Variants in TRMT44 observed in about 807,000 individuals in gnomAD.
TRMT44 encodes tRNA methyltransferase 44 homolog.
A neutral mutation model predicts 77.3 loss-of-function variants in TRMT44; 78 were observed. The observed-to-expected ratio is 1.01, with a 90% CI of 0.84 to 1.22. TRMT44 has a LOEUF of 1.22. Ranked by LOEUF, TRMT44 falls within the 50% of genes most tolerant of loss-of-function variation. TRMT44 has a pLI of 0.00. For missense variants in TRMT44, 1,090 were observed against 964.4 expected (o/e 1.13, Z -1.73); for synonymous variants, 391 against 383.3 (o/e 1.02, Z -0.23).
chr4:8,455,755 C>T (rs1216735398), intron 6 of TRMT44, among the ~76,000 whole-genome samples: 4 of 152,192 alleles, frequency 2.6e-5, no homozygotes, highest in Admixed American at 6.5e-5. Flanking sequence ...TACAATGTTC[C>T]ATTGAATTGT....
intron 9 of TRMT44, among the ~76,000 whole-genome samples, chr4:8,469,646 C>G (rs1287145036): frequency 1.3e-5 from 2 of 152,192 alleles, no homozygotes; most frequent in African/African-American, 4.8e-5. Flanking sequence ...GGGCTCAGTC[C>G]TGCCTGCGCC....
downstream of TRMT44, among the ~76,000 whole-genome samples, chr4:8,497,855 C>A (rs1387511534): frequency 3.3e-5 from 5 of 152,194 alleles, no homozygotes; most frequent in African/African-American, 9.7e-5. Flanking sequence ...CCTCAGGGTT[C>A]TGCCCTTTGC....
chr4:8,516,611 T>C, the TRMT44 span, among the ~76,000 whole-genome samples: 1 of 151,882 alleles, frequency 6.6e-6, no homozygotes, highest in African/African-American at 2.4e-5. Context: ...GAGACTCCAT[T>C]TCTACCAAGA....
Position 8,441,029 on chromosome 4 carries a change from G to A in TRMT44, c.207G>A (p.Glu69=). 6.7e-7 allele frequency: 1 copy of A among 1,499,696 alleles called. No individual in the cohort carries two copies. The highest frequency in any genetic ancestry group is 8.8e-7 in the Non-Finnish European group (1 of 1,131,170). 92.9% of individuals were successfully genotyped at this position (1,499,696 alleles called of 1,614,324 possible). Residue 69 remains glutamate, a synonymous_variant, in exon 1 of 11, where the codon GAG becomes GAA. Transcript: ENST00000389737. ...CTAGCGCAGGCTCGGAGCAGAAGGA[G>A]CGGGGTCCGGGACCCGGCCAGGGTT... ...PGTSAGSEQK[E]RGPGPGQGSP...
chr4:8,449,949 C>CTTTTTTTTTTTTTTCTTTTTTTTTT, intron 3 of TRMT44, 61 bp downstream of exon 3: 3 of 238,688 alleles, frequency 1.3e-5, no homozygotes, highest in Admixed American at 1.3e-4. Context: ...CTTTTCTTTT[C>CTTTTTTTTTTTTTTCTTTTTTTTTT]TTTTTTTTTT....
downstream of TRMT44, chr4:8,477,232 AAATG>A (rs1419880115): frequency 6.6e-6 from 1 of 152,274 alleles, no homozygotes; most frequent in Non-Finnish European, 1.5e-5. Context: ...CAGTGAGAAT[AAATG>A]GGCATCTTCT....
chr4:8,495,363 C>G (rs1728120690), downstream of TRMT44, among the ~76,000 whole-genome samples: 1 of 152,216 alleles, frequency 6.6e-6, no homozygotes, highest in South Asian at 2.1e-4. Context: ...CCACGCTGGG[C>G]TGCAGCCTCC....
chr4:8,452,126 C>A lies in TRMT44; in HGVS notation c.1023+98C>A. Reference sequence around the variant, plus strand: ...AGGACATTTTCCAAATCCATAACTGCCGGTGCTCACAATTCTGCTGGCCAA... The same window carrying A: ...AGGACATTTTCCAAATCCATAACTGACGGTGCTCACAATTCTGCTGGCCAA... On this transcript the variant is annotated intron_variant, in intron 4 of 10. Coordinates refer to ENST00000389737, the MANE Select transcript of TRMT44 (RefSeq NM_152544.3). This position sits in a 1 kb window ranked among gnomAD's most constrained non-coding sequence, Gnocchi z 5.7. 1.8e-6 allele frequency: 2 copies of A among 1,094,612 alleles called. No homozygotes were observed. The highest frequency in any genetic ancestry group is 2.7e-6 in the Non-Finnish European group (2 of 748,904). 67.8% of individuals were successfully genotyped at this position (1,094,612 alleles called of 1,614,324 possible). A position where few individuals can be genotyped will look rare whatever the true frequency, so the allele number is the denominator to read the frequency against.
At chr4:8,470,879 G>A (rs1726943274) in intron 9 of TRMT44, 1 of 503,908 alleles carries the variant, frequency 2.0e-6, no homozygotes, top group South Asian at 2.8e-5. Flanking sequence ...TTGTCAGGCT[G>A]TGCCACCTTA....
the TRMT44 span, among the ~76,000 whole-genome samples, chr4:8,506,127 G>A: frequency 6.6e-6 from 1 of 152,238 alleles, no homozygotes; most frequent in Non-Finnish European, 1.5e-5. Context: ...TCCTGATGAG[G>A]ACATGGGACA....
intron 3 of TRMT44, 61 bp downstream of exon 3, chr4:8,449,949 C>CTTTTTTTTTCTTT: frequency 2.5e-5 from 6 of 238,684 alleles, no homozygotes; most frequent in Non-Finnish European, 3.6e-5. Flanking sequence ...CTTTTCTTTT[C>CTTTTTTTTTCTTT]TTTTTTTTTT....
At chr4:8,498,842 G>A in the TRMT44 span, among the ~76,000 whole-genome samples, 1,256 of 152,278 alleles carry the variant, frequency 8.2e-3, 22 homozygotes, top group African/African-American at 0.028. The surrounding 1 kb of genome is among the most constrained non-coding windows in gnomAD (Gnocchi z 4.3). Context: ...GGGGCAGGGG[G>A]CATGGGAGTG....
intron 9 of TRMT44, among the ~76,000 whole-genome samples, chr4:8,468,774 A>G (rs1433711407): frequency 6.6e-6 from 1 of 152,250 alleles, no homozygotes; most frequent in Non-Finnish European, 1.5e-5. Context: ...ACAATCATCC[A>G]TGGCAAAAGG....
the TRMT44 span, among the ~76,000 whole-genome samples, chr4:8,504,919 C>A: frequency 6.6e-6 from 1 of 152,164 alleles, no homozygotes; most frequent in Non-Finnish European, 1.5e-5. The surrounding 1 kb of genome is among the most constrained non-coding windows in gnomAD (Gnocchi z 5.3). Context: ...GTATCTACCA[C>A]TTCCCCCAGC....
At chr4:8,477,328 C>G (rs1244060497), downstream of TRMT44, 1 of 152,256 alleles carries the variant, frequency 6.6e-6, no homozygotes, top group African/African-American at 2.4e-5. Flanking sequence ...CAAGTCAGTC[C>G]CAGAGCGCAG....
At position 8,440,878 on chromosome 4, in the gene TRMT44, G is replaced by A. The variant is rs1027805819; in HGVS notation, c.56G>A (p.Gly19Asp). The A allele has an allele frequency of 4.6e-6, 7 of 1,526,842 alleles. No homozygotes were observed. Among genetic ancestry groups the A allele is most frequent in the African/African-American group, 2.8e-5 (2 of 71,896 alleles). 94.6% of individuals were successfully genotyped at this position (1,526,842 alleles called of 1,614,324 possible). A position where few individuals can be genotyped will look rare whatever the true frequency, so the allele number is the denominator to read the frequency against. ...TACCCAGGCGCGCTTCTCCCACAGG[G>A]CTTCTGGGCTGCGGTCGAAGTGTGG... ...ISYPGALLPQGFWAAVEVWLE... is the reference protein window; with the variant it reads ...ISYPGALLPQDFWAAVEVWLE... Residue 19 changes from glycine (G) to aspartate (D), a missense_variant, in exon 1 of 11, where the codon GGC becomes GAC. Coordinates refer to ENST00000389737, the MANE Select transcript of TRMT44 (RefSeq NM_152544.3).
intron 2 of TRMT44, among the ~76,000 whole-genome samples, chr4:8,447,535 T>C (rs1006390737): frequency 6.6e-6 from 1 of 152,198 alleles, no homozygotes; most frequent in Non-Finnish European, 1.5e-5. Flanking sequence ...GGCTTCCCAC[T>C]AGCAGTGTGG....
At position 8,440,851 on chromosome 4, in the gene TRMT44, G is replaced by C. The variant is rs920000715; in HGVS notation, c.29G>C (p.Ser10Thr). ...GCTGAGGTGGGCCGTACCGGGATCAGCTACCCAGGCGCGCTTCTCCCACAG... is the reference window on the plus strand; with the variant it reads ...GCTGAGGTGGGCCGTACCGGGATCACCTACCCAGGCGCGCTTCTCCCACAG... MAEVGRTGI[S>T]YPGALLPQGF... Residue 10 changes from serine (S) to threonine (T), a missense_variant, in exon 1 of 11, where the codon AGC becomes ACC. By Grantham distance (58) the Ser-to-Thr change is moderately conservative (BLOSUM62 1). Coordinates refer to ENST00000389737, the MANE Select transcript of TRMT44 (RefSeq NM_152544.3). 2 of 1,512,640 alleles carry C rather than the reference G, an allele frequency of 1.3e-6. No homozygotes were observed. Among genetic ancestry groups the C allele is most frequent in the African/African-American group, 2.8e-5 (2 of 70,790 alleles). 93.7% of individuals were successfully genotyped at this position (1,512,640 alleles called of 1,614,324 possible).
At chr4:8,496,570 C>G (rs1560255151), downstream of TRMT44, among the ~76,000 whole-genome samples, 1 of 152,170 alleles carries the variant, frequency 6.6e-6, no homozygotes, top group Non-Finnish European at 1.5e-5. Flanking sequence ...GGGCAGTTAA[C>G]CAGAGGCAGC....
Sources: gnomAD v4.1 joint callset for allele counts (sites outside exome capture counted in the v4.1 genomes callset) on GRCh38, gnomAD v4.1.1 for gene constraint, Gnocchi (gnomAD v3.1) non-coding constraint, MANE v1.5 for transcripts, NCBI Gene and HGNC (gene_info 2026-07-23, HGNC 2026-07-21) for gene names.